MACROD2: variants seen among roughly 807,000 people sequenced by gnomAD.
MACROD2 encodes mono-ADP ribosylhydrolase 2.
MACROD2 carries 36 observed loss-of-function variants against 70.4 expected under a neutral mutation model. The observed-to-expected ratio is 0.51, with a 90% CI of 0.39 to 0.68. The LOEUF (loss-of-function observed/expected upper bound fraction) is 0.68, where lower values mean the gene tolerates loss of function less well. MACROD2 is among the 30% of genes least tolerant of loss of function. The pLI is 0.00. For missense variants in MACROD2, 496 were observed against 538.4 expected (o/e 0.92, Z 0.78); for synonymous variants, 172 against 178.8 (o/e 0.96, Z 0.30).
intron 5 of MACROD2, among the ~76,000 whole-genome samples, chr20:14,759,439 A>G (rs1026851328): frequency 6.6e-6 from 1 of 152,094 alleles, no homozygotes; most frequent in Admixed American, 6.5e-5. Flanking sequence ...ATTATGCTTT[A>G]TCTTCATATT....
intron 6 of MACROD2, among the ~76,000 whole-genome samples, chr20:15,348,632 G>A (rs957817474): frequency 1.3e-5 from 2 of 152,116 alleles, no homozygotes; most frequent in African/African-American, 2.4e-5. Flanking sequence ...CAATCATGGC[G>A]GAAGGCAAAG....
chr20:15,225,367 T>C (rs2076896582), intron 5 of MACROD2, among the ~76,000 whole-genome samples: 1 of 152,208 alleles, frequency 6.6e-6, no homozygotes. Context: ...ATATACTCTT[T>C]GTTTAAATGT....
chr20:14,376,996 C>T (rs1157068509), intron 3 of MACROD2, among the ~76,000 whole-genome samples: 1 of 152,064 alleles, frequency 6.6e-6, no homozygotes, highest in Non-Finnish European at 1.5e-5. Context: ...AGCCTAATCC[C>T]TGGCACATAG....
intron 6 of MACROD2, among the ~76,000 whole-genome samples, chr20:15,421,591 A>G (rs113970580): frequency 2.6e-5 from 4 of 152,226 alleles, no homozygotes; most frequent in African/African-American, 9.6e-5. Flanking sequence ...GAAAAAAGGC[A>G]AGTTCCAGAA....
At chr20:15,417,915 T>C (rs893835594) in intron 6 of MACROD2, among the ~76,000 whole-genome samples, 1 of 152,188 alleles carries the variant, frequency 6.6e-6, no homozygotes, top group African/African-American at 2.4e-5. Flanking sequence ...GTTTTCACAC[T>C]GTGGATGCTG....
intron 3 of MACROD2, among the ~76,000 whole-genome samples, chr20:14,116,947 G>A (rs2054522293): frequency 6.6e-6 from 1 of 151,562 alleles, no homozygotes; most frequent in South Asian, 2.1e-4. Context: ...TGCACCTGTA[G>A]TCCCAGGTAC....
chr20:15,431,044 A>T (rs765804381), intron 6 of MACROD2, among the ~76,000 whole-genome samples: 2 of 152,028 alleles, frequency 1.3e-5, no homozygotes, highest in African/African-American at 4.8e-5. Context: ...CATAGGTAAT[A>T]GTCAAATGTG....
chr20:14,028,339 G>A (rs1172142591), intron 2 of MACROD2, among the ~76,000 whole-genome samples: 1 of 151,514 alleles, frequency 6.6e-6, no homozygotes, highest in Non-Finnish European at 1.5e-5. Flanking sequence ...ACAAGCCAGT[G>A]GATCTTAGCT....
At chr20:15,031,487 A>G (rs1429201558) in intron 5 of MACROD2, among the ~76,000 whole-genome samples, 1 of 152,142 alleles carries the variant, frequency 6.6e-6, no homozygotes, top group African/African-American at 2.4e-5. Flanking sequence ...TGAGTGACAG[A>G]ACAGCTCTCA....
At chr20:14,269,833 G>C (rs2082175726) in intron 3 of MACROD2, among the ~76,000 whole-genome samples, 1 of 151,478 alleles carries the variant, frequency 6.6e-6, no homozygotes, top group Non-Finnish European at 1.5e-5. Context: ...GATTTTTAAA[G>C]AGTGTTTTTG....
chr20:14,325,535 G>GT (rs2082718926), intron 3 of MACROD2: 1 of 1,585,808 alleles, frequency 6.3e-7, no homozygotes, highest in Non-Finnish European at 8.6e-7. Context: ...CAAAACACAA[G>GT]TCTGCTGTGA....
intron 8 of MACROD2, among the ~76,000 whole-genome samples, chr20:15,578,967 G>GT (rs1049914490): frequency 6.6e-6 from 1 of 152,170 alleles, no homozygotes; most frequent in Admixed American, 6.5e-5. Flanking sequence ...AATTTGAACC[G>GT]TTTTTTAAAA....
At chr20:14,412,042 C>T (rs1196149088) in intron 3 of MACROD2, among the ~76,000 whole-genome samples, 2 of 152,140 alleles carry the variant, frequency 1.3e-5, no homozygotes, top group African/African-American at 4.8e-5. Context: ...TGTATTTTTT[C>T]CCCAAAACAA....
intron 4 of MACROD2, among the ~76,000 whole-genome samples, chr20:14,655,289 C>G (rs781391861): frequency 6.7e-6 from 1 of 149,982 alleles, no homozygotes; most frequent in Non-Finnish European, 1.5e-5. Context: ...ATCTGCCATA[C>G]AAAGCTTATA....
At chr20:14,921,542 G>A (rs561836999) in intron 5 of MACROD2, among the ~76,000 whole-genome samples, 6 of 152,126 alleles carry the variant, frequency 3.9e-5, no homozygotes, top group Non-Finnish European at 7.4e-5. Flanking sequence ...TTGCCTTGGC[G>A]TCTTTGTTAG....
At chr20:14,823,581 C>T (rs527593839) in intron 5 of MACROD2, among the ~76,000 whole-genome samples, 3 of 151,994 alleles carry the variant, frequency 2.0e-5, no homozygotes, top group Non-Finnish European at 4.4e-5. Flanking sequence ...GCTAGAAAAG[C>T]GAAGTGGGAA....
intron 7 of MACROD2, among the ~76,000 whole-genome samples, chr20:15,468,845 T>TTGGGAACA (rs1244803465): frequency 3.9e-5 from 6 of 152,178 alleles, no homozygotes; most frequent in African/African-American, 1.2e-4. Context: ...TGTCCCCACC[T>TTGGGAACA]TGGGAACATT....
intron 5 of MACROD2, among the ~76,000 whole-genome samples, chr20:15,183,060 A>G (rs890476753): frequency 3.9e-5 from 6 of 152,164 alleles, no homozygotes; most frequent in African/African-American, 1.4e-4. Flanking sequence ...CACCATCTAT[A>G]GAGGTATTTG....
intron 4 of MACROD2, among the ~76,000 whole-genome samples, chr20:14,572,345 T>C (rs1980247978): frequency 6.6e-6 from 1 of 152,114 alleles, no homozygotes; most frequent in African/African-American, 2.4e-5. Context: ...AGTAAATTAG[T>C]GTAACCACTT....
Sources: gnomAD v4.1 joint callset for allele counts (sites outside exome capture counted in the v4.1 genomes callset) on GRCh38, gnomAD v4.1.1 for gene constraint, MANE v1.5 for transcripts, NCBI Gene and HGNC (gene_info 2026-07-23, HGNC 2026-07-21) for gene names.